NUS1: variants seen among roughly 807,000 people sequenced by gnomAD.
NUS1 encodes the protein NUS1 dehydrodolichyl diphosphate synthase subunit, also known as dehydrodolichyl diphosphate synthase complex subunit NUS1.
For synonymous variants in NUS1, 135 were observed against 155.2 expected, an observed-to-expected ratio of 0.87 and a Z score of 0.97; for missense variants, 292 against 382.9, an observed-to-expected ratio of 0.76 and a Z score of 1.98.
At chr6:117,691,506 T>C (rs891490174) in intron 1 of NUS1, among the ~76,000 whole-genome samples, 5 of 149,928 alleles carry the variant, frequency 3.3e-5, no homozygotes, top group Non-Finnish European at 7.4e-5. Context: ...CATATACTTC[T>C]GGCTTGGCAT....
At chr6:117,693,902 T>G in intron 2 of NUS1, 129 bp from the exon 3 acceptor site, 1 of 950,050 alleles carries the variant, frequency 1.1e-6, no homozygotes, top group Non-Finnish European at 1.5e-6. Context: ...ATTGAAGGGC[T>G]TAAAAAATTC....
intron 1 of NUS1, among the ~76,000 whole-genome samples, chr6:117,686,845 AGTGTGTATGTGTGTGTGTGTGTGTGT>A (rs1773147056): frequency 5.2e-5 from 6 of 114,360 alleles, no homozygotes; most frequent in African/African-American, 1.9e-4. Flanking sequence ...TATCATGTGA[AGTGTGTATGTGTGTGTGTGTGTGTGT>A]GTGTGTGTGT....
chr6:117,691,139 A>G (rs1006293219), intron 1 of NUS1, among the ~76,000 whole-genome samples: 22 of 152,002 alleles, frequency 1.4e-4, no homozygotes, highest in African/African-American at 5.1e-4. Context: ...CAAATTATGT[A>G]TGGACTAATA....
rs1053068 is a variant in NUS1, at chr6:117,708,173, A to G, written c.*1158A>G. The stretch of plus-strand genomic sequence containing the variant: ...GATTGAAGGCCTCTGTGGGGGAATA[A>G]AATATTACCAAAGTCTATAAAAATA... On this transcript the variant is annotated 3_prime_UTR_variant, in exon 5 of 5. Coordinates refer to ENST00000368494, the MANE Select transcript of NUS1 (RefSeq NM_138459.5). The G allele has an allele frequency of 6.5e-6, 1 of 152,698 alleles. No individual in the cohort carries two copies. The highest frequency in any genetic ancestry group is 2.1e-4 in the South Asian group (1 of 4,834). 9.5% of individuals were successfully genotyped at this position (152,698 alleles called of 1,614,324 possible). A position where few individuals can be genotyped will look rare whatever the true frequency, so the allele number is the denominator to read the frequency against.
Position 117,676,008 on chromosome 6 carries a change from G to C in NUS1, c.338G>C (p.Ser113Thr). 6.5e-7 allele frequency: 1 copy of C among 1,549,732 alleles called. No homozygotes were observed. ...ATCACCGAGGTGGAGCAGGAACCCA[G>C]CTTCTCGGACATCGCGAGCCTCGTG... ...LVITEVEQEP[S>T]FSDIASLVVW... is the part of the protein sequence containing the mutation. The change falls in exon 1 of 5, where the codon AGC (serine) becomes ACC (threonine). Residue 113 changes from serine to threonine, a missense_variant. Coordinates refer to ENST00000368494, the MANE Select transcript of NUS1 (RefSeq NM_138459.5).
chr6:117,699,831 A>G (rs1461753119), intron 3 of NUS1, among the ~76,000 whole-genome samples: 1 of 149,616 alleles, frequency 6.7e-6, no homozygotes, highest in Non-Finnish European at 1.5e-5. Flanking sequence ...GACAATCTAG[A>G]GACAATCTAG....
chr6:117,685,106 T>A (rs938541752), intron 1 of NUS1, among the ~76,000 whole-genome samples: 3 of 152,208 alleles, frequency 2.0e-5, no homozygotes, highest in African/African-American at 7.2e-5. Flanking sequence ...AACAAATGTT[T>A]CTTAGAATCT....
rs142229572 is a variant in NUS1, at chr6:117,682,667, G to T, written c.415+6582G>T. On this transcript the variant is annotated intron_variant, in intron 1 of 4. Coordinates refer to ENST00000368494, the MANE Select transcript of NUS1 (RefSeq NM_138459.5). ...CTTTGTTGAACTTTTAGTCTGTACTGGATACTATAGAAAAGTGCCTTAAGT... is the reference window on the plus strand; with the variant it reads ...CTTTGTTGAACTTTTAGTCTGTACTTGATACTATAGAAAAGTGCCTTAAGT... Among the ~76,000 whole-genome samples the T allele has an allele frequency of 9.9e-5, 15 of 152,216 alleles. No individual in the cohort carries two copies. The East Asian group carries it at 1.9e-3, about 20-fold the overall frequency.
intron 1 of NUS1, among the ~76,000 whole-genome samples, chr6:117,690,258 CTTA>C (rs1229235376): frequency 6.6e-6 from 1 of 152,124 alleles, no homozygotes; most frequent in Admixed American, 6.5e-5. Flanking sequence ...CGCTTAGAGT[CTTA>C]TGATTGTGGG....
chr6:117,675,558 G>T lies in NUS1; in HGVS notation c.-113G>T, dbSNP rs1026782946. On this transcript the variant is annotated 5_prime_UTR_variant, in exon 1 of 5. Transcript: ENST00000368494. ...GGCAGTGGAAAGGGGTTCGGGCTCG[G>T]GGGGCGGGGGGACGCGGAGCGATGG... 2.6e-6 allele frequency: 3 copies of T among 1,143,118 alleles called. No homozygotes were observed. The highest frequency in any genetic ancestry group is 2.9e-5 in the South Asian group (2 of 68,274). The allele number at this position is 1,143,118 out of a possible 1,614,324, so 70.8% of individuals were successfully genotyped here.
chr6:117,684,762 A>G lies in NUS1; in HGVS notation c.416-8280A>G, dbSNP rs556613683. Among the ~76,000 whole-genome samples the G allele has an allele frequency of 3.9e-5, 6 of 152,356 alleles. No individual in the cohort carries two copies. The East Asian group carries it at 9.6e-4, about 24-fold the overall frequency. Reference sequence around the variant, plus strand: ...TATGCAATAGAGTGATTCCTATAATAGCAATCACCTGGGGAAGTATTGATT... The same window carrying G: ...TATGCAATAGAGTGATTCCTATAATGGCAATCACCTGGGGAAGTATTGATT... On this transcript the variant is annotated intron_variant, in intron 1 of 4. Transcript: ENST00000368494.
chr6:117,707,701 G>C lies in NUS1; in HGVS notation c.*686G>C, dbSNP rs1053725491. The C allele has an allele frequency of 2.0e-5, 3 of 148,658 alleles. No individual in the cohort carries two copies. The highest frequency in any genetic ancestry group is 7.5e-5 in the African/African-American group (3 of 40,200). The allele number at this position is 148,658 out of a possible 1,614,324, so 9.2% of individuals were successfully genotyped here. A position where few individuals can be genotyped will look rare whatever the true frequency, so the allele number is the denominator to read the frequency against. ...TATTCTGGGTTCAAAAGTATGACTT[G>C]AGAGTGTTGCTCTGGTATTCTGAGA... On this transcript the variant is annotated 3_prime_UTR_variant, in exon 5 of 5. Coordinates refer to ENST00000368494, the MANE Select transcript of NUS1 (RefSeq NM_138459.5).
At chr6:117,694,781 ATCCT>A (rs1314815661) in intron 3 of NUS1, among the ~76,000 whole-genome samples, 1 of 152,106 alleles carries the variant, frequency 6.6e-6, no homozygotes, top group Non-Finnish European at 1.5e-5. Flanking sequence ...ATTAGCCTTG[ATCCT>A]TTTGAAGAAA....
chr6:117,698,610 C>T (rs796799467), intron 3 of NUS1, among the ~76,000 whole-genome samples: 3 of 152,124 alleles, frequency 2.0e-5, no homozygotes, highest in African/African-American at 7.2e-5. Flanking sequence ...GAACTAATAC[C>T]AATTCTACTC....
intron 2 of NUS1, among the ~76,000 whole-genome samples, chr6:117,693,632 C>T (rs1773275449): frequency 6.6e-6 from 1 of 152,146 alleles, no homozygotes; most frequent in Non-Finnish European, 1.5e-5. Context: ...ATATTCCACT[C>T]TAACAGTTTT....
rs1773555641 is a variant in NUS1, at chr6:117,710,206, T to G, written c.*3191T>G. 1 of 152,144 alleles carries G rather than the reference T, an allele frequency of 6.6e-6. No individual in the cohort carries two copies. The highest frequency in any genetic ancestry group is 1.5e-5 in the Non-Finnish European group (1 of 67,980). 9.4% of individuals were successfully genotyped at this position (152,144 alleles called of 1,614,324 possible). On this transcript the variant is annotated 3_prime_UTR_variant, in exon 5 of 5. Transcript: ENST00000368494. ...GGTTTGTCTTATGCTGCATAGACTA[T>G]TCACCTCCTAACTTGAAGGTCTAAT...
Position 117,703,663 on chromosome 6 carries a change from A to G in NUS1, c.750A>G (p.Thr250=), listed in dbSNP as rs1231052686. 1.9e-6 allele frequency: 3 copies of G among 1,613,906 alleles called. No individual in the cohort carries two copies. The highest frequency in any genetic ancestry group is 4.5e-5 in the East Asian group (2 of 44,874). The stretch of plus-strand genomic sequence containing the variant: ...TGAAGTTCGGTCCTGTGGACAGCAC[A>G]TTAGGCTTTCTTCCCTGGCACATCA... The part of the protein sequence containing the change: ...LVLKFGPVDS[T]LGFLPWHIRL... Residue 250 remains threonine (T), a synonymous_variant, in exon 4 of 5, where the codon ACA becomes ACG. Transcript: ENST00000368494.
chr6:117,678,645 T>A (rs1773017488), intron 1 of NUS1, among the ~76,000 whole-genome samples: 1 of 151,404 alleles, frequency 6.6e-6, no homozygotes, highest in African/African-American at 2.4e-5. Context: ...AGTATAGACA[T>A]GTAAGCTTTA....
At chr6:117,679,685 T>G (rs2114677502) in intron 1 of NUS1, among the ~76,000 whole-genome samples, 1 of 152,288 alleles carries the variant, frequency 6.6e-6, no homozygotes, top group Admixed American at 6.5e-5. Flanking sequence ...GTCTGGAGGT[T>G]GACTTCAGGG....
Sources: gnomAD v4.1 joint callset for allele counts (sites outside exome capture counted in the v4.1 genomes callset) on GRCh38, gnomAD v4.1.1 for gene constraint, MANE v1.5 for transcripts, NCBI Gene and HGNC (gene_info 2026-07-23, HGNC 2026-07-21) for gene names.